Variants in CTNNA3 observed in about 807,000 individuals in gnomAD.
The protein encoded by CTNNA3 is catenin alpha 3.
CTNNA3 carries 76 observed loss-of-function variants against 95.7 expected under a neutral mutation model. The observed-to-expected ratio is 0.79, with a 90% CI of 0.66 to 0.96. The LOEUF is 0.96. CTNNA3 is among the 40% of genes least tolerant of loss of function. The pLI is 0.00. For synonymous variants in CTNNA3, 431 were observed against 374.4 expected, an observed-to-expected ratio of 1.15 and a Z score of -1.74; for missense variants, 1,191 against 1,089.8, an observed-to-expected ratio of 1.09 and a Z score of -1.31.
At chr10:67,429,912 A>G (rs1846052983) in intron 5 of CTNNA3, among the ~76,000 whole-genome samples, 1 of 152,034 alleles carries the variant, frequency 6.6e-6, no homozygotes, top group African/African-American at 2.4e-5. Flanking sequence ...GTGCTGAGAA[A>G]AAAAGATCTC....
At chr10:66,118,761 AGGATCACTGTTATCAAT>A (rs1187769582) in intron 13 of CTNNA3, among the ~76,000 whole-genome samples, 1 of 152,164 alleles carries the variant, frequency 6.6e-6, no homozygotes, top group African/African-American at 2.4e-5. Flanking sequence ...ACTTTGGAAA[AGGATCACTGTTATCAAT>A]GTGGCAAGAT....
intron 9 of CTNNA3, among the ~76,000 whole-genome samples, chr10:66,685,192 TGTATATATATATAC>T (rs1429639230): frequency 9.1e-5 from 7 of 76,882 alleles, no homozygotes; most frequent in African/African-American, 3.0e-4. Flanking sequence ...TATATATACG[TGTATATATATATAC>T]GTATATATAT....
intron 10 of CTNNA3, among the ~76,000 whole-genome samples, chr10:66,543,950 T>C (rs2132085584): frequency 6.9e-6 from 1 of 144,352 alleles, no homozygotes; most frequent in Admixed American, 7.0e-5. Flanking sequence ...TATATATATA[T>C]ATATTTGTTC....
chr10:67,244,150 C>T lies in CTNNA3; in HGVS notation c.580-24280G>A, dbSNP rs10509283. 0.013 allele frequency among the ~76,000 whole-genome samples: 2,015 copies of T among 152,286 alleles called. 135 individuals are homozygous for T. The East Asian group carries it at 0.2, about 15-fold the overall frequency. ...GTCTAGAATGGAAATGTTTTTTAAT[C>T]TTCCCTGACTAGGCTAAGTAGATTT... On this transcript the variant is annotated intron_variant, in intron 5 of 17. Coordinates refer to ENST00000433211, the MANE Select transcript of CTNNA3 (RefSeq NM_013266.4).
intron 12 of CTNNA3, among the ~76,000 whole-genome samples, chr10:66,292,227 C>G (rs150146149): frequency 6.6e-6 from 1 of 152,182 alleles, no homozygotes; most frequent in East Asian, 1.9e-4. Context: ...CAATCAATCA[C>G]TATGTCCTGC....
At chr10:66,739,195 G>C (rs1213071608) in intron 9 of CTNNA3, among the ~76,000 whole-genome samples, 1 of 152,194 alleles carries the variant, frequency 6.6e-6, no homozygotes, top group African/African-American at 2.4e-5. Context: ...ACTGTATTTA[G>C]AGCAATGGTT....
At chr10:66,523,980 A>T (rs897187333) in intron 10 of CTNNA3, among the ~76,000 whole-genome samples, 3 of 152,098 alleles carry the variant, frequency 2.0e-5, no homozygotes, top group African/African-American at 7.2e-5. Context: ...TGCTGTAATA[A>T]TCTTACTCAT....
intron 9 of CTNNA3, among the ~76,000 whole-genome samples, chr10:66,691,948 A>G (rs1450834572): frequency 1.3e-5 from 2 of 152,190 alleles, no homozygotes; most frequent in Non-Finnish European, 2.9e-5. Context: ...CATCCACACC[A>G]AAAACCCATC....
At chr10:66,505,446 T>A (rs1373842827) in intron 11 of CTNNA3, among the ~76,000 whole-genome samples, 1 of 152,156 alleles carries the variant, frequency 6.6e-6, no homozygotes, top group African/African-American at 2.4e-5. Flanking sequence ...TACTGTAACA[T>A]GAAAATGTAA....
At chr10:66,536,169 CAG>C (rs1159411920) in intron 10 of CTNNA3, among the ~76,000 whole-genome samples, 3 of 147,942 alleles carry the variant, frequency 2.0e-5, no homozygotes, top group African/African-American at 7.5e-5. Context: ...GAGACAGAGA[CAG>C]AGAGAGACAG....
intron 7 of CTNNA3, among the ~76,000 whole-genome samples, chr10:67,084,919 C>G (rs1222231136): frequency 6.6e-6 from 1 of 151,768 alleles, no homozygotes; most frequent in Non-Finnish European, 1.5e-5. Flanking sequence ...TTACATGAAA[C>G]TCCTTCATAT....
At chr10:67,543,054 A>AT (rs1290992908) in intron 3 of CTNNA3, among the ~76,000 whole-genome samples, 1 of 152,008 alleles carries the variant, frequency 6.6e-6, no homozygotes, top group African/African-American at 2.4e-5. Flanking sequence ...AAATAACTAC[A>AT]TTTTTTCTTC....
At chr10:66,928,184 G>C (rs1847182140) in intron 7 of CTNNA3, 1 of 1,613,962 alleles carries the variant, frequency 6.2e-7, no homozygotes, top group Non-Finnish European at 8.5e-7. Flanking sequence ...ATCATCGCGG[G>C]CAGCGTGGCG....
chr10:65,988,156 A>T (rs1272119724), intron 16 of CTNNA3, among the ~76,000 whole-genome samples: 1 of 152,124 alleles, frequency 6.6e-6, no homozygotes, highest in African/African-American at 2.4e-5. Flanking sequence ...TTGTGTATTT[A>T]AAAATAGCTA....
chr10:67,659,764 G>A (rs1211486476), intron 1 of CTNNA3, among the ~76,000 whole-genome samples: 1 of 152,288 alleles, frequency 6.6e-6, no homozygotes, highest in East Asian at 1.9e-4. Context: ...CAAGTCCAGT[G>A]AGCCTATGGG....
chr10:66,365,587 C>G (rs2092705641), intron 12 of CTNNA3, among the ~76,000 whole-genome samples: 1 of 152,042 alleles, frequency 6.6e-6, no homozygotes, highest in Non-Finnish European at 1.5e-5. Flanking sequence ...TGAAGCATAT[C>G]CAGAGTATAA....
intron 13 of CTNNA3, among the ~76,000 whole-genome samples, chr10:66,209,269 A>G (rs745860136): frequency 3.9e-5 from 6 of 152,194 alleles, no homozygotes; most frequent in Non-Finnish European, 8.8e-5. Context: ...CATCAGTGGA[A>G]AAAAGACAAA....
intron 3 of CTNNA3, among the ~76,000 whole-genome samples, chr10:67,586,879 C>G (rs1012864411): frequency 6.6e-6 from 1 of 151,912 alleles, no homozygotes; most frequent in African/African-American, 2.4e-5. Context: ...TTCTTTTTCT[C>G]TTATTGTTTA....
intron 5 of CTNNA3, among the ~76,000 whole-genome samples, chr10:67,361,005 C>A (rs1202679624): frequency 6.6e-6 from 1 of 150,738 alleles, no homozygotes; most frequent in East Asian, 1.9e-4. Flanking sequence ...TTTAAACCAT[C>A]TACAGTAAAA....
Sources: allele counts gnomAD v4.1 joint callset (sites outside exome capture counted in the v4.1 genomes callset), GRCh38; gene constraint gnomAD v4.1.1; transcripts MANE v1.5; gene names NCBI Gene and HGNC (gene_info 2026-07-23, HGNC 2026-07-21).